FRMD5: variants seen among roughly 807,000 people sequenced by gnomAD.
FRMD5 encodes FERM domain containing 5.
A neutral mutation model predicts 69.0 loss-of-function variants in FRMD5; 20 were observed. The observed-to-expected ratio is 0.29, with a 90% CI of 0.20 to 0.42. FRMD5 has a LOEUF of 0.42. Among genes scored for constraint, FRMD5 ranks in the 10% least tolerant of loss-of-function variants. The probability of loss-of-function intolerance (pLI) is 1.00; values close to 1 mark genes in which losing one functional copy is unlikely to be tolerated. For missense variants in FRMD5, 595 were observed against 708.6 expected (o/e 0.84, Z 1.82); for synonymous variants, 271 against 260.1 (o/e 1.04, Z -0.40).
At chr15:43,990,199 G>A (rs1017347939) in intron 1 of FRMD5, 64 of 465,086 alleles carry the variant, frequency 1.4e-4, no homozygotes, top group South Asian at 5.9e-4. Flanking sequence ...AGCTGGCGGC[G>A]GGTGTGGACG....
chr15:44,166,730 GC>G (rs1351675150), intron 1 of FRMD5, among the ~76,000 whole-genome samples: 1 of 137,872 alleles, frequency 7.3e-6, no homozygotes, highest in African/African-American at 2.9e-5. Context: ...GTTGCAGTGA[GC>G]CAAGATCACA....
intron 1 of FRMD5, among the ~76,000 whole-genome samples, chr15:44,081,387 C>T (rs2140447932): frequency 6.6e-6 from 1 of 152,204 alleles, no homozygotes; most frequent in South Asian, 2.1e-4. Context: ...CTCTGTTACA[C>T]ATACAGAAAG....
chr15:44,175,914 A>G (rs2077886648), intron 1 of FRMD5, among the ~76,000 whole-genome samples: 1 of 152,180 alleles, frequency 6.6e-6, no homozygotes. Context: ...TACATTCATG[A>G]ATCAGAAGAC....
intron 1 of FRMD5, among the ~76,000 whole-genome samples, chr15:44,053,309 A>G (rs1035665154): frequency 1.3e-5 from 2 of 152,192 alleles, no homozygotes; most frequent in African/African-American, 2.4e-5. Flanking sequence ...CTTTATTTTA[A>G]GAGCAATGGG....
intron 1 of FRMD5, among the ~76,000 whole-genome samples, chr15:44,189,519 T>C (rs887952872): frequency 1.3e-5 from 2 of 151,658 alleles, no homozygotes; most frequent in Non-Finnish European, 2.9e-5. Flanking sequence ...GACAGAGTCT[T>C]GCTCTGCCAC....
chr15:43,953,218 G>A (rs2090063937), intron 1 of FRMD5, among the ~76,000 whole-genome samples: 2 of 152,238 alleles, frequency 1.3e-5, no homozygotes, highest in Non-Finnish European at 2.9e-5. Context: ...CTTGGTATCT[G>A]CTAAAGAGTT....
At chr15:44,058,734 C>T (rs1595679451) in intron 1 of FRMD5, among the ~76,000 whole-genome samples, 1 of 144,520 alleles carries the variant, frequency 6.9e-6, no homozygotes, top group Admixed American at 7.3e-5. Context: ...TGCAGTGAGC[C>T]GAGATTGCGC....
intron 1 of FRMD5, among the ~76,000 whole-genome samples, chr15:43,992,324 G>A (rs928866988): frequency 1.3e-5 from 2 of 148,384 alleles, no homozygotes; most frequent in South Asian, 2.2e-4. Flanking sequence ...AATATTTACT[G>A]ATGAGAAGGT....
chr15:43,879,560 G>C (rs1433126947), intron 13 of FRMD5: 2 of 398,922 alleles, frequency 5.0e-6, no homozygotes, highest in Non-Finnish European at 4.4e-6. Context: ...CCCTACCCTG[G>C]AGCCGGGGCC....
intron 2 of FRMD5, among the ~76,000 whole-genome samples, chr15:43,921,958 G>A (rs901500712): frequency 6.6e-6 from 1 of 152,172 alleles, no homozygotes; most frequent in Non-Finnish European, 1.5e-5. Context: ...GAGACCCAGG[G>A]AAAGAGGTTT....
Position 43,874,220 on chromosome 15 carries a change from TCTC to T in FRMD5, c.1375_1377del (p.Glu459del), listed in dbSNP as rs771222106. The T allele has an allele frequency of 3.0e-5, 48 of 1,613,986 alleles. No homozygotes were observed. Among genetic ancestry groups the T allele is most frequent in the East Asian group, 2.9e-4 (13 of 44,892 alleles). On this transcript the variant is annotated inframe_deletion, in exon 14 of 14. Coordinates refer to ENST00000417257, the MANE Select transcript of FRMD5 (RefSeq NM_032892.5). ...GTTGGGGTGCTGGCTTCAGATTCCTTCTCCTCCTCAATGCTGCAGGTGGCTCCA... is the reference window on the plus strand; with the variant it reads ...GTTGGGGTGCTGGCTTCAGATTCCTTCTCCTCAATGCTGCAGGTGGCTCCA...
intron 1 of FRMD5, among the ~76,000 whole-genome samples, chr15:44,048,424 A>C (rs112451201): frequency 0.035 from 5,392 of 152,148 alleles, 127 homozygotes; most frequent in Non-Finnish European, 0.054. Flanking sequence ...TTCATTATTG[A>C]GTTGTAAGAG....
chr15:44,107,286 T>C (rs1416689572), intron 1 of FRMD5, among the ~76,000 whole-genome samples: 2 of 152,140 alleles, frequency 1.3e-5, no homozygotes, highest in African/African-American at 4.8e-5. Context: ...GGTAATAAAG[T>C]AGTATAAACA....
At chr15:43,989,901 C>A (rs1484734942) in intron 1 of FRMD5, 1 of 1,153,028 alleles carries the variant, frequency 8.7e-7, no homozygotes, top group Non-Finnish European at 1.3e-6. Flanking sequence ...CAGCCACACA[C>A]AGCTCGTTGT....
intron 1 of FRMD5, among the ~76,000 whole-genome samples, chr15:44,098,354 A>T (rs558548365): frequency 6.6e-6 from 1 of 152,008 alleles, no homozygotes; most frequent in East Asian, 1.9e-4. Context: ...GTGAAACCCT[A>T]TCTCTACTAA....
chr15:44,140,409 T>C (rs1448145628), intron 1 of FRMD5, among the ~76,000 whole-genome samples: 1 of 151,772 alleles, frequency 6.6e-6, no homozygotes, highest in Non-Finnish European at 1.5e-5. Context: ...CAACTAAACG[T>C]GTAAAGAGGG....
Position 44,112,828 on chromosome 15 carries a change from C to T in FRMD5, c.102+82125G>A, listed in dbSNP as rs915255817. On this transcript the variant is annotated intron_variant, in intron 1 of 13. Transcript: ENST00000417257. ...GCCAGGCTGGTCTCGAACTCCTGACCTTGTGATCCACCCACCTCGGCCTCC... is the reference window on the plus strand; with the variant it reads ...GCCAGGCTGGTCTCGAACTCCTGACTTTGTGATCCACCCACCTCGGCCTCC... 5.3e-5 allele frequency among the ~76,000 whole-genome samples: 8 copies of T among 152,216 alleles called. No homozygotes were observed. The East Asian group carries it at 1.2e-3, about 22-fold the overall frequency.
chr15:44,001,763 C>CG (rs1890224991), intron 1 of FRMD5, among the ~76,000 whole-genome samples: 1 of 151,936 alleles, frequency 6.6e-6, no homozygotes, highest in Admixed American at 6.6e-5. Context: ...CATGCCACCA[C>CG]GCCCAGCTAA....
At chr15:43,893,679 C>T (rs943409820) in intron 7 of FRMD5, among the ~76,000 whole-genome samples, 2 of 152,142 alleles carry the variant, frequency 1.3e-5, no homozygotes, top group Non-Finnish European at 2.9e-5. Context: ...GGCCAGACAC[C>T]GGGCGTGAGG....
Sources: allele counts gnomAD v4.1 joint callset (sites outside exome capture counted in the v4.1 genomes callset), GRCh38; gene constraint gnomAD v4.1.1; transcripts MANE v1.5; gene names NCBI Gene and HGNC (gene_info 2026-07-23, HGNC 2026-07-21).